Variants in CORO2B observed in about 807,000 individuals in gnomAD.
The protein encoded by CORO2B is coronin-2B.
A neutral mutation model predicts 58.8 loss-of-function variants in CORO2B; 26 were observed. That is an observed-to-expected ratio of 0.44 (90% CI 0.32 to 0.61). CORO2B has a LOEUF of 0.61. CORO2B is among the 20% of genes least tolerant of loss of function. CORO2B has a pLI of 0.04. For synonymous variants in CORO2B, 242 were observed against 253.8 expected (o/e 0.95, Z 0.44); for missense variants, 460 against 645.1 (o/e 0.71, Z 3.11).
intron 3 of CORO2B, among the ~76,000 whole-genome samples, chr15:68,704,029 T>TAC (rs1162113689): frequency 1.1e-3 from 105 of 99,562 alleles, no homozygotes; most frequent in African/African-American, 4.0e-3. Context: ...ACCCTTTCTC[T>TAC]ACACACACAT....
intron 3 of CORO2B, among the ~76,000 whole-genome samples, chr15:68,702,495 G>C (rs1367201735): frequency 6.6e-6 from 1 of 152,134 alleles, no homozygotes; most frequent in Admixed American, 6.5e-5. Flanking sequence ...AGTGAGTCCA[G>C]TGCTCAGAAG....
At chr15:68,647,620 C>T (rs1273601024) in intron 2 of CORO2B, among the ~76,000 whole-genome samples, 2 of 145,168 alleles carry the variant, frequency 1.4e-5, no homozygotes, top group Non-Finnish European at 3.0e-5. Flanking sequence ...ACCTGGGAGG[C>T]GGGGGTTGTG....
chr15:68,616,636 C>T (rs975249037), intron 1 of CORO2B: 24 of 984,740 alleles, frequency 2.4e-5, no homozygotes, highest in South Asian at 9.4e-5. Context: ...TGTGTCAGCG[C>T]GTGGGCCCCA....
chr15:68,611,454 T>G (rs1016637244), intron 1 of CORO2B, among the ~76,000 whole-genome samples: 1 of 152,192 alleles, frequency 6.6e-6, no homozygotes, highest in African/African-American at 2.4e-5. Context: ...CCTTTGATAT[T>G]ACAACATGGC....
At chr15:68,581,842 T>C (rs1305796837) in intron 1 of CORO2B, among the ~76,000 whole-genome samples, 1 of 152,212 alleles carries the variant, frequency 6.6e-6, no homozygotes, top group Non-Finnish European at 1.5e-5. Context: ...TCTAGGGCTC[T>C]AGCCTTCTCT....
chr15:68,634,872 T>A (rs1374156210), intron 1 of CORO2B, among the ~76,000 whole-genome samples: 1 of 152,232 alleles, frequency 6.6e-6, no homozygotes, highest in Admixed American at 6.5e-5. Context: ...GGATTCTCCA[T>A]TTCTAACCAG....
chr15:68,690,520 C>T (rs892174278), intron 2 of CORO2B, among the ~76,000 whole-genome samples: 5 of 152,128 alleles, frequency 3.3e-5, no homozygotes, highest in African/African-American at 4.8e-5. Context: ...ACACTTTCCT[C>T]GCCTCTGTCT....
intron 3 of CORO2B, among the ~76,000 whole-genome samples, chr15:68,707,693 CT>C (rs1892815304): frequency 6.6e-6 from 1 of 152,216 alleles, no homozygotes; most frequent in South Asian, 2.1e-4. Context: ...GTCTATATGT[CT>C]GTGTCTGCGA....
chr15:68,614,901 A>C (rs1595969109), intron 1 of CORO2B, among the ~76,000 whole-genome samples: 1 of 152,224 alleles, frequency 6.6e-6, no homozygotes, highest in East Asian at 1.9e-4. Context: ...TGTATTATGC[A>C]GCAGCAGCTG....
In CORO2B at chr15:68,579,200, CG is replaced by C; in HGVS notation, c.-60del. The C allele has an allele frequency of 5.0e-6, 5 of 990,444 alleles. No homozygotes were observed. Among genetic ancestry groups the C allele is most frequent in the Non-Finnish European group, 6.0e-6 (5 of 834,028 alleles). The allele number at this position is 990,444 out of a possible 1,614,324, so 61.4% of individuals were successfully genotyped here. On this transcript the variant is annotated 5_prime_UTR_variant, in exon 1 of 12. Transcript: ENST00000261861. The stretch of plus-strand genomic sequence containing the variant: ...GCCGGACCCCCTTCCGCCGCCGCCC[CG>C]GGCCGCCGCCGCCGCCCCCGCACGC...
At position 68,710,752 on chromosome 15, in the gene CORO2B, C is replaced by T. The variant is rs375976206; in HGVS notation, c.354C>T (p.Pro118=). The change falls in exon 4 of 12, where the codon CCC becomes CCT. Residue 118 remains proline, a synonymous_variant. Transcript: ENST00000261861. This position sits in a 1 kb window ranked among gnomAD's most constrained non-coding sequence, Gnocchi z 4.1. ...EDTSVRIWEI[P]EGGLKRNMTE... ...TGCAGGTGCGGATCTGGGAGATCCC[C>T]GAGGGCGGGCTGAAGCGGAACATGA... 172 of 1,609,308 alleles carry T rather than the reference C, an allele frequency of 1.1e-4. 3 individuals are homozygous for T. The South Asian group carries it at 1.8e-3, about 16-fold the overall frequency.
At chr15:68,549,957 T>TAAATAAATAAA in the CORO2B span, among the ~76,000 whole-genome samples, 1 of 145,142 alleles carries the variant, frequency 6.9e-6, no homozygotes, top group African/African-American at 2.8e-5. Context: ...TAAAATAAAA[T>TAAATAAATAAA]AAATAAATAA....
chr15:68,715,218 G>A lies in CORO2B; in HGVS notation c.874G>A (p.Asp292Asn). The A allele has an allele frequency of 1.9e-6, 3 of 1,613,924 alleles. No individual in the cohort carries two copies. Among genetic ancestry groups the A allele is most frequent in the Non-Finnish European group, 2.5e-6 (3 of 1,179,908 alleles). Residue 292 changes from aspartate (D) to asparagine (N), a missense_variant, in exon 8 of 12, where the codon GAT becomes AAT. Around this residue, in one of 2 missense-constraint regions of CORO2B, gnomAD observed 352 missense variants for 543.0 expected, o/e 0.65. Transcript: ENST00000261861. ...THMLYLAGKG[D>N]GNIRYYEIST... is the part of the protein sequence containing the mutation. ...ACTCCATCTCTCCTGACCCCAGGGT[G>A]ATGGAAACATCCGGTACTACGAGAT...
intron 3 of CORO2B, among the ~76,000 whole-genome samples, chr15:68,703,921 C>T (rs1157824640): frequency 2.0e-5 from 3 of 151,996 alleles, no homozygotes; most frequent in African/African-American, 7.3e-5. Flanking sequence ...TGGCCAGGCT[C>T]GGTGGCTCAT....
chr15:68,670,464 G>C (rs929572410), intron 2 of CORO2B, among the ~76,000 whole-genome samples: 5 of 152,174 alleles, frequency 3.3e-5, no homozygotes, highest in African/African-American at 1.2e-4. Flanking sequence ...ACAGGCATGA[G>C]CCATCGCGCC....
intron 1 of CORO2B, among the ~76,000 whole-genome samples, chr15:68,605,900 T>C (rs1161561650): frequency 6.6e-6 from 1 of 152,022 alleles, no homozygotes; most frequent in African/African-American, 2.4e-5. Context: ...AATTTTTGTA[T>C]TTTTAGTAGA....
At chr15:68,692,080 A>G (rs1892392014) in intron 2 of CORO2B, among the ~76,000 whole-genome samples, 1 of 152,198 alleles carries the variant, frequency 6.6e-6, no homozygotes, top group African/African-American at 2.4e-5. Flanking sequence ...CTGGCTAACA[A>G]TGACCAGTAG....
intron 11 of CORO2B, among the ~76,000 whole-genome samples, chr15:68,723,961 T>C (rs1029811579): frequency 2.0e-5 from 3 of 151,814 alleles, no homozygotes; most frequent in Admixed American, 6.6e-5. Flanking sequence ...TCCCAGCACC[T>C]TGGGAGGCTG....
At chr15:68,609,416 C>T (rs762360212) in intron 1 of CORO2B, among the ~76,000 whole-genome samples, 26 of 152,156 alleles carry the variant, frequency 1.7e-4, no homozygotes, top group Non-Finnish European at 3.7e-4. Flanking sequence ...AGGGCTGTGG[C>T]TGTGCAGGCT....
Sources: gnomAD v4.1 joint callset for allele counts (sites outside exome capture counted in the v4.1 genomes callset) on GRCh38, gnomAD v4.1.1 for gene constraint, gnomAD v4.1.1 regional missense constraint, Gnocchi (gnomAD v3.1) non-coding constraint, MANE v1.5 for transcripts, NCBI Gene and HGNC (gene_info 2026-07-23, HGNC 2026-07-21) for gene names.